Variants in LARGE1 observed in about 807,000 individuals in gnomAD.
LARGE1 encodes the protein xylosyl- and glucuronyltransferase LARGE1.
Under a neutral mutation model 87.6 loss-of-function variants are expected in LARGE1, and 43 were observed. The ratio of observed to expected loss-of-function variants is 0.49; its 90% CI spans 0.38 to 0.63. The LOEUF (loss-of-function observed/expected upper bound fraction) is 0.63, where lower values mean the gene tolerates loss of function less well. Ranked by LOEUF, LARGE1 falls within the 30% of genes least tolerant of loss-of-function variation. The pLI, the probability that LARGE1 is intolerant of heterozygous loss-of-function variation, is 0.00. For missense variants in LARGE1, 802 were observed against 1,000.2 expected (o/e 0.80, Z 2.67); for synonymous variants, 434 against 394.6 (o/e 1.10, Z -1.18).
chr22:33,848,167 TTTC>T (rs1468047754), intron 1 of LARGE1, among the ~76,000 whole-genome samples: 1 of 152,178 alleles, frequency 6.6e-6, no homozygotes, highest in Non-Finnish European at 1.5e-5. Context: ...GTCCTCCGTA[TTTC>T]TTTTTTCTAG....
chr22:33,162,514 G>A (rs548372924), exon 12 of LARGE1: 2 of 152,304 alleles, frequency 1.3e-5, no homozygotes, highest in South Asian at 4.1e-4. Flanking sequence ...AGATCTGGGT[G>A]AGAACATAGC....
At chr22:33,501,270 G>A (rs2070421565) in intron 6 of LARGE1, among the ~76,000 whole-genome samples, 3 of 152,250 alleles carry the variant, frequency 2.0e-5, no homozygotes, top group Admixed American at 6.5e-5. Context: ...CAAAGGCAGT[G>A]AGCGGCAGAG....
intron 12 of LARGE1, among the ~76,000 whole-genome samples, chr22:33,300,664 C>T (rs1934026823): frequency 6.6e-6 from 1 of 152,134 alleles, no homozygotes; most frequent in African/African-American, 2.4e-5. Context: ...GCCTCAGCCT[C>T]CCTAGTAGCT....
rs1032618713 is a variant in LARGE1, at chr22:33,761,305, G to C, written c.106+66C>G. On this transcript the variant is annotated intron_variant, in intron 2 of 14. Coordinates refer to ENST00000397394, the MANE Select transcript of LARGE1 (RefSeq NM_133642.5). Reference sequence around the variant, plus strand: ...TAGATGGCTTTGAGTTTCTTTTCTAGGGTTCTATGACAGCTAATGTTCCCT... The same window carrying C: ...TAGATGGCTTTGAGTTTCTTTTCTACGGTTCTATGACAGCTAATGTTCCCT... 3.2e-6 allele frequency: 4 copies of C among 1,254,976 alleles called. No homozygotes were observed. The African/African-American group carries it at 5.9e-5, about 18-fold the overall frequency. The allele number at this position is 1,254,976 out of a possible 1,614,324, so 77.7% of individuals were successfully genotyped here. A position where few individuals can be genotyped will look rare whatever the true frequency, so the allele number is the denominator to read the frequency against.
chr22:33,422,398 T>C (rs1275883581), intron 7 of LARGE1, among the ~76,000 whole-genome samples: 1 of 152,026 alleles, frequency 6.6e-6, no homozygotes, highest in Non-Finnish European at 1.5e-5. Context: ...GCTCAGCTTC[T>C]GGGGAGGCCT....
At chr22:33,903,823 C>A (rs915294574) in intron 1 of LARGE1, among the ~76,000 whole-genome samples, 8 of 152,020 alleles carry the variant, frequency 5.3e-5, no homozygotes, top group Middle Eastern at 3.4e-3. Context: ...GACTCCATCT[C>A]CAAAAAACAA....
At chr22:33,210,414 G>A (rs1209435243) in intron 11 of LARGE1, among the ~76,000 whole-genome samples, 2 of 152,252 alleles carry the variant, frequency 1.3e-5, no homozygotes, top group Admixed American at 6.5e-5. Flanking sequence ...CCTGGTCTGT[G>A]TGCCGCCTGG....
At chr22:33,268,765 A>G (rs1219771735), downstream of LARGE1, among the ~76,000 whole-genome samples, 2 of 152,080 alleles carry the variant, frequency 1.3e-5, no homozygotes, top group East Asian at 3.9e-4. Context: ...GAAAATAATC[A>G]CTTTCATTGT....
chr22:33,368,533 CAAAAA>C (rs34999879), intron 9 of LARGE1, among the ~76,000 whole-genome samples: 1 of 115,680 alleles, frequency 8.6e-6, no homozygotes, highest in Non-Finnish European at 1.8e-5. Context: ...GACTCTTTCT[CAAAAA>C]AAAAAAAAAA....
intron 1 of LARGE1, among the ~76,000 whole-genome samples, chr22:33,870,186 G>T (rs1445033139): frequency 6.6e-6 from 1 of 152,168 alleles, no homozygotes; most frequent in Non-Finnish European, 1.5e-5. Flanking sequence ...TGATGACAGG[G>T]GCTTAGAGGG....
At chr22:33,690,572 G>T (rs1453465409) in intron 2 of LARGE1, among the ~76,000 whole-genome samples, 2 of 151,960 alleles carry the variant, frequency 1.3e-5, no homozygotes, top group East Asian at 3.9e-4. Flanking sequence ...AAAAGAGGGA[G>T]GGAAGTGTGG....
chr22:33,151,833 A>T, the LARGE1 span, among the ~76,000 whole-genome samples: 1 of 151,774 alleles, frequency 6.6e-6, no homozygotes, highest in Non-Finnish European at 1.5e-5. Flanking sequence ...TCTTTTGCTA[A>T]TATTGTATTA....
chr22:33,292,160 C>A (rs1360171225), intron 12 of LARGE1, among the ~76,000 whole-genome samples: 1 of 152,084 alleles, frequency 6.6e-6, no homozygotes, highest in African/African-American at 2.4e-5. Flanking sequence ...GAGCAGCCCT[C>A]CCAGACAACG....
At chr22:33,322,176 T>C (rs141501638) in intron 10 of LARGE1, among the ~76,000 whole-genome samples, 211 of 152,222 alleles carry the variant, frequency 1.4e-3, no homozygotes, top group Middle Eastern at 3.4e-3. Context: ...GAAAAAGACA[T>C]TCCCAGGTAA....
the LARGE1 span, among the ~76,000 whole-genome samples, chr22:33,145,008 C>T: frequency 6.6e-6 from 1 of 151,620 alleles, no homozygotes; most frequent in East Asian, 1.9e-4. Flanking sequence ...TTTGTTGTGC[C>T]CAATAAAATA....
At chr22:33,359,560 C>CTT (rs539990533) in intron 9 of LARGE1, among the ~76,000 whole-genome samples, 6,540 of 119,122 alleles carry the variant, frequency 0.055, 318 homozygotes, top group Non-Finnish European at 0.076. Context: ...GCAGACTCAT[C>CTT]TTTTTTTTTT....
chr22:33,799,191 C>T (rs957266168), intron 1 of LARGE1, among the ~76,000 whole-genome samples: 1 of 151,966 alleles, frequency 6.6e-6, no homozygotes, highest in African/African-American at 2.4e-5. Flanking sequence ...TGGAGTATCA[C>T]GCCAAAGAAA....
At chr22:33,286,048 T>C (rs1931470662) in intron 12 of LARGE1, among the ~76,000 whole-genome samples, 1 of 152,214 alleles carries the variant, frequency 6.6e-6, no homozygotes, top group Non-Finnish European at 1.5e-5. Context: ...AAATAATATA[T>C]AGCTCTCTCA....
chr22:33,822,078 CG>C (rs2086842996), intron 1 of LARGE1, among the ~76,000 whole-genome samples: 1 of 151,586 alleles, frequency 6.6e-6, no homozygotes, highest in Non-Finnish European at 1.5e-5. Context: ...TTAATGATCC[CG>C]GTTAATTATG....
Sources: gnomAD v4.1 joint callset for allele counts (sites outside exome capture counted in the v4.1 genomes callset) on GRCh38, gnomAD v4.1.1 for gene constraint, MANE v1.5 for transcripts, NCBI Gene and HGNC (gene_info 2026-07-23, HGNC 2026-07-21) for gene names.